GASK1A: variants seen among roughly 807,000 people sequenced by gnomAD.
GASK1A encodes the protein Golgi-associated kinase 1A.
GASK1A carries 40 observed loss-of-function variants against 41.2 expected under a neutral mutation model. That is an observed-to-expected ratio of 0.97 (90% confidence interval 0.75 to 1.27). The LOEUF is 1.27. Among genes scored for constraint, GASK1A ranks in the 50% most tolerant of loss-of-function variants. The pLI, the probability that GASK1A is intolerant of heterozygous loss-of-function variation, is 0.00. For missense variants in GASK1A, 678 were observed against 745.1 expected, an observed-to-expected ratio of 0.91 and a Z score of 1.05; for synonymous variants, 316 against 307.1, an observed-to-expected ratio of 1.03 and a Z score of -0.30.
rs2089579452 is a variant in GASK1A, at chr3:43,032,294, G to A, written c.31G>A (p.Gly11Ser). 3.3e-6 allele frequency: 5 copies of A among 1,532,482 alleles called. No homozygotes were observed. The highest frequency in any genetic ancestry group is 1.7e-4 in the Middle Eastern group (1 of 5,910). 94.9% of individuals were successfully genotyped at this position (1,532,482 alleles called of 1,614,324 possible). A position where few individuals can be genotyped will look rare whatever the true frequency, so the allele number is the denominator to read the frequency against. The change falls in exon 2 of 5, where the codon GGC (glycine) becomes AGC (serine). Residue 11 changes from glycine (G) to serine (S), a missense_variant. By Grantham distance (56) the Gly-to-Ser change is moderately conservative. Transcript: ENST00000430121. MASWLRRKLRGKRRPVIAFCL... is the reference protein window; with the variant it reads MASWLRRKLRSKRRPVIAFCL... Reference sequence around the variant, plus strand: ...GTCTTGGCTCCGGAGAAAGCTGCGTGGCAAGAGGCGGCCAGTGATAGCGTT... The same window carrying A: ...GTCTTGGCTCCGGAGAAAGCTGCGTAGCAAGAGGCGGCCAGTGATAGCGTT...
chr3:43,039,766 T>TTA (rs1214880915), intron 2 of GASK1A, among the ~76,000 whole-genome samples: 4 of 152,204 alleles, frequency 2.6e-5, no homozygotes, highest in Non-Finnish European at 5.9e-5. Context: ...TAGCTCCCAC[T>TTA]TATAAGTGAG....
chr3:42,990,604 C>T (rs1223138737), intron 1 of GASK1A, among the ~76,000 whole-genome samples: 5 of 152,128 alleles, frequency 3.3e-5, no homozygotes, highest in Non-Finnish European at 7.4e-5. Context: ...TCGGGAATTC[C>T]GAGTCTTGGG....
intron 1 of GASK1A, among the ~76,000 whole-genome samples, chr3:43,010,324 A>G (rs773612454): frequency 6.6e-6 from 1 of 151,944 alleles, no homozygotes; most frequent in Admixed American, 6.6e-5. Flanking sequence ...GCTAGGCCAT[A>G]CTCTTCAGTA....
chr3:43,030,252 C>G (rs2089567960), intron 1 of GASK1A, among the ~76,000 whole-genome samples: 1 of 152,218 alleles, frequency 6.6e-6, no homozygotes, highest in Admixed American at 6.5e-5. Flanking sequence ...AGTGATCCAC[C>G]CACCTTGGCC....
chr3:43,030,464 G>A (rs534417395), intron 1 of GASK1A, among the ~76,000 whole-genome samples: 10 of 152,366 alleles, frequency 6.6e-5, no homozygotes, highest in Admixed American at 2.0e-4. Context: ...AGCCCCAGGC[G>A]GTGGCTACTG....
At chr3:43,055,672 C>T (rs556971441) in intron 4 of GASK1A, 137 bp downstream of exon 4, 102 of 665,778 alleles carry the variant, frequency 1.5e-4, no homozygotes, top group South Asian at 7.2e-5. Flanking sequence ...GAACTTTAGG[C>T]GGTGGTGGGG....
Position 43,032,477 on chromosome 3 carries a change from G to A in GASK1A, c.214G>A (p.Ala72Thr). Residue 72 changes from alanine to threonine, a missense_variant, in exon 2 of 5, where the codon GCA becomes ACA. Ala to Thr is a moderately conservative substitution (Grantham distance 58, BLOSUM62 0). Coordinates refer to ENST00000430121, the MANE Select transcript of GASK1A (RefSeq NM_001129908.3). ...QALSSSRRQR[A>T]RNMGFWRSRA... ...TTTGAGCTCCAGCCGGAGGCAGCGG[G>A]CAAGAAACATGGGCTTCTGGAGAAG... 1 of 1,551,120 alleles carries A rather than the reference G, an allele frequency of 6.4e-7. No individual in the cohort carries two copies. The highest frequency in any genetic ancestry group is 8.7e-7 in the Non-Finnish European group (1 of 1,146,512).
intron 1 of GASK1A, among the ~76,000 whole-genome samples, chr3:42,998,993 G>A (rs960090234): frequency 1.3e-5 from 2 of 151,770 alleles, no homozygotes; most frequent in Admixed American, 6.6e-5. Context: ...AACCTAATAT[G>A]TGTGTGCGTG....
intron 1 of GASK1A, among the ~76,000 whole-genome samples, chr3:42,993,890 T>C (rs1379469577): frequency 6.6e-6 from 1 of 152,254 alleles, no homozygotes; most frequent in Non-Finnish European, 1.5e-5. Context: ...GCCCAAAGCA[T>C]TGGACTTTGT....
In GASK1A at chr3:43,033,361, G is replaced by A; in HGVS notation, c.1098G>A (p.Arg366=). ...ACCGATACACAGACGGTGGAGCAAG[G>A]CCTGTCATCTGGTGGGCACCCGATG... ...LPYRYTDGGA[R]PVIWWAPDVQ... Residue 366 remains arginine, a synonymous_variant, in exon 2 of 5, where the codon AGG becomes AGA. Coordinates refer to ENST00000430121, the MANE Select transcript of GASK1A (RefSeq NM_001129908.3). The A allele has an allele frequency of 6.4e-6, 10 of 1,551,544 alleles. No homozygotes were observed. The highest frequency in any genetic ancestry group is 7.8e-6 in the Non-Finnish European group (9 of 1,146,944).
At chr3:43,039,205 G>GTT (rs1329284553) in intron 2 of GASK1A, among the ~76,000 whole-genome samples, 266 of 125,724 alleles carry the variant, frequency 2.1e-3, no homozygotes, top group Non-Finnish European at 3.7e-3. Context: ...TTTTTTTTTG[G>GTT]TTTTTTTTTT....
At chr3:42,998,330 C>G (rs1392843474) in intron 1 of GASK1A, among the ~76,000 whole-genome samples, 2 of 152,140 alleles carry the variant, frequency 1.3e-5, no homozygotes, top group Admixed American at 6.5e-5. Flanking sequence ...GATGCAGACG[C>G]ACTCGGGACT....
At chr3:43,015,265 A>G in intron 1 of GASK1A, among the ~76,000 whole-genome samples, 1 of 149,688 alleles carries the variant, frequency 6.7e-6, no homozygotes, top group South Asian at 2.1e-4. Context: ...AATTCTCAGG[A>G]AGGGGCTGTG....
intron 1 of GASK1A, among the ~76,000 whole-genome samples, chr3:43,027,942 A>G (rs2089553864): frequency 6.6e-6 from 1 of 152,256 alleles, no homozygotes; most frequent in South Asian, 2.1e-4. Context: ...GACATAAGAC[A>G]TCAATCAATA....
At chr3:43,044,849 G>A (rs1381918245) in intron 2 of GASK1A, among the ~76,000 whole-genome samples, 1 of 152,172 alleles carries the variant, frequency 6.6e-6, no homozygotes, top group African/African-American at 2.4e-5. Flanking sequence ...CCCAACACGA[G>A]GCCGTGGGAG....
intron 1 of GASK1A, among the ~76,000 whole-genome samples, chr3:43,017,993 G>A (rs1211128504): frequency 6.6e-6 from 1 of 152,212 alleles, no homozygotes; most frequent in African/African-American, 2.4e-5. Flanking sequence ...GAAGTCACTG[G>A]AAGTGGCCGT....
chr3:42,993,318 A>T (rs1302891917), intron 1 of GASK1A, among the ~76,000 whole-genome samples: 2 of 152,244 alleles, frequency 1.3e-5, no homozygotes, highest in African/African-American at 4.8e-5. Flanking sequence ...GAAGTCACAG[A>T]TATTTTATGT....
intron 1 of GASK1A, among the ~76,000 whole-genome samples, chr3:42,982,049 T>G (rs1559394807): frequency 6.6e-6 from 1 of 152,314 alleles, no homozygotes; most frequent in African/African-American, 2.4e-5. Context: ...TTAAATGTCC[T>G]TTTGAAAAAA....
chr3:42,986,743 T>C lies in GASK1A; in HGVS notation c.3+7098T>C, dbSNP rs369954359. Reference sequence around the variant, plus strand: ...TTTTGAGCTTGGAGAGATGGGATTGTGTTTGCATTTTAGAGAGCGGTTTTG... The same window carrying C: ...TTTTGAGCTTGGAGAGATGGGATTGCGTTTGCATTTTAGAGAGCGGTTTTG... On this transcript the variant is annotated intron_variant, in intron 1 of 4. Transcript: ENST00000430121. Among the ~76,000 whole-genome samples the C allele has an allele frequency of 3.0e-4, 46 of 152,208 alleles. No homozygotes were observed. In the East Asian group the frequency reaches 8.5e-3, roughly 28 times the overall value.
Sources: allele counts gnomAD v4.1 joint callset (sites outside exome capture counted in the v4.1 genomes callset), GRCh38; gene constraint gnomAD v4.1.1; transcripts MANE v1.5; gene names NCBI Gene and HGNC (gene_info 2026-07-23, HGNC 2026-07-21).